ZHX2: variants seen among roughly 807,000 people sequenced by gnomAD.
ZHX2 encodes the protein zinc fingers and homeoboxes protein 2.
Under a neutral mutation model 21.9 loss-of-function variants are expected in ZHX2, and 6 were observed. That is an observed-to-expected ratio of 0.27 (90% CI 0.15 to 0.54). The LOEUF is 0.54. ZHX2 is among the 20% of genes least tolerant of loss of function. The probability of loss-of-function intolerance (pLI) is 0.95; values close to 1 mark genes in which losing one functional copy is unlikely to be tolerated. For missense variants in ZHX2, 908 were observed against 1,090.7 expected, an observed-to-expected ratio of 0.83 and a Z score of 2.36; for synonymous variants, 434 against 437.1, an observed-to-expected ratio of 0.99 and a Z score of 0.09.
intron 1 of ZHX2, among the ~76,000 whole-genome samples, chr8:122,840,151 A>G (rs940053559): frequency 3.9e-5 from 6 of 152,312 alleles, no homozygotes; most frequent in Admixed American, 2.6e-4. Context: ...TTCCTGCACT[A>G]GGAATAATTT....
At chr8:122,816,518 T>C (rs1332116266) in intron 1 of ZHX2, 1 of 150,676 alleles carries the variant, frequency 6.6e-6, no homozygotes, top group East Asian at 2.0e-4. Flanking sequence ...CAATCTTGGC[T>C]CACTGCAACC....
At chr8:122,830,502 G>A (rs1049481301) in intron 1 of ZHX2, among the ~76,000 whole-genome samples, 10 of 152,148 alleles carry the variant, frequency 6.6e-5, no homozygotes, top group Non-Finnish European at 1.5e-4. Context: ...TACTTCAGGC[G>A]GGACATAGGG....
rs188252399 is a variant in ZHX2, at chr8:122,798,030, A to G, written c.-283+16084A>G. Among the ~76,000 whole-genome samples, 408 of 152,262 alleles carry G rather than the reference A, an allele frequency of 2.7e-3. 3 individuals carry two copies. The highest frequency in any genetic ancestry group is 9.0e-3 in the African/African-American group (374 of 41,538). On this transcript the variant is annotated intron_variant, in intron 1 of 3. Coordinates refer to ENST00000314393, the MANE Select transcript of ZHX2 (RefSeq NM_014943.5). ...TCCTCAGAGAGTCCTGATTATCTGT[A>G]TGGAATAGAAAAGGAAACTGAGGCT... is the stretch of plus-strand genomic sequence containing the variant.
At chr8:122,788,935 CAA>C (rs1002671986) in intron 1 of ZHX2, among the ~76,000 whole-genome samples, 1 of 152,192 alleles carries the variant, frequency 6.6e-6, no homozygotes, top group African/African-American at 2.4e-5. Context: ...CACCCCTCCT[CAA>C]AAAGAGGCCA....
intron 2 of ZHX2, among the ~76,000 whole-genome samples, chr8:122,900,603 A>G (rs1414161422): frequency 6.6e-6 from 1 of 152,134 alleles, no homozygotes; most frequent in African/African-American, 2.4e-5. Context: ...GTGGGTTCTG[A>G]TATCTGAGGC....
chr8:122,957,731 A>G (rs540835290), intron 3 of ZHX2, among the ~76,000 whole-genome samples: 21 of 152,192 alleles, frequency 1.4e-4, no homozygotes, highest in African/African-American at 5.1e-4. Flanking sequence ...TCAGCCTCCC[A>G]AAGTGCTGGG....
chr8:122,930,742 G>A (rs1178656864), intron 2 of ZHX2, among the ~76,000 whole-genome samples: 11 of 151,554 alleles, frequency 7.3e-5, no homozygotes, highest in African/African-American at 2.2e-4. Context: ...TGACTGCCTC[G>A]GTCTCCCAAA....
rs115338949 is a variant in ZHX2, at chr8:122,935,015, C to T, written c.-219-16277C>T. On this transcript the variant is annotated intron_variant, in intron 2 of 3. Transcript: ENST00000314393. ...AAGTTCTTTTTATAAGCTGTCAAGA[C>T]AGTGCATCATTTTGACTACTTCAAA... 8.1e-3 allele frequency among the ~76,000 whole-genome samples: 1,234 copies of T among 152,286 alleles called. 14 individuals carry two copies. The highest frequency in any genetic ancestry group is 0.028 in the African/African-American group (1,167 of 41,552).
intron 1 of ZHX2, among the ~76,000 whole-genome samples, chr8:122,837,614 T>C (rs1447190151): frequency 6.6e-6 from 1 of 152,170 alleles, no homozygotes; most frequent in Non-Finnish European, 1.5e-5. Flanking sequence ...CCTAGTGCGT[T>C]TTACAGGTGG....
chr8:122,884,376 G>T (rs1214007498), intron 2 of ZHX2, among the ~76,000 whole-genome samples: 1 of 152,182 alleles, frequency 6.6e-6, no homozygotes, highest in East Asian at 1.9e-4. Context: ...TATTCAACTT[G>T]TTTTCTAATT....
intron 2 of ZHX2, among the ~76,000 whole-genome samples, chr8:122,926,690 C>G (rs907217615): frequency 6.6e-6 from 1 of 152,232 alleles, no homozygotes; most frequent in Non-Finnish European, 1.5e-5. Flanking sequence ...GCCACACTCA[C>G]TTGGAAGCTC....
At chr8:122,880,547 G>A (rs1452002488) in intron 2 of ZHX2, among the ~76,000 whole-genome samples, 1 of 152,052 alleles carries the variant, frequency 6.6e-6, no homozygotes, top group East Asian at 1.9e-4. Flanking sequence ...GGCCAAGACA[G>A]GTAGATCACC....
At chr8:122,839,343 C>T (rs542990454) in intron 1 of ZHX2, among the ~76,000 whole-genome samples, 1 of 152,288 alleles carries the variant, frequency 6.6e-6, no homozygotes, top group South Asian at 2.1e-4. Context: ...CCTTCTTCCA[C>T]TTGTTTATAT....
chr8:122,921,648 AAG>A (rs376224475), intron 2 of ZHX2, among the ~76,000 whole-genome samples: 49 of 148,988 alleles, frequency 3.3e-4, no homozygotes, highest in South Asian at 4.3e-4. Context: ...CCCATCAAGA[AAG>A]AGAGAGAGAG....
intron 1 of ZHX2, among the ~76,000 whole-genome samples, chr8:122,861,776 G>C (rs1237320160): frequency 1.3e-5 from 2 of 152,144 alleles, no homozygotes; most frequent in African/African-American, 4.8e-5. Flanking sequence ...CTAGTGACAT[G>C]CCCCTTAAAA....
intron 1 of ZHX2, among the ~76,000 whole-genome samples, chr8:122,826,968 G>A (rs1304853756): frequency 1.3e-5 from 2 of 152,168 alleles, no homozygotes; most frequent in Admixed American, 6.5e-5. Flanking sequence ...GCGGAGGTGA[G>A]AAAGCCTAGG....
In ZHX2 at chr8:122,815,790, A is replaced by G. The variant is rs1326462918; in HGVS notation, c.-283+33844A>G. 4 of 152,256 alleles carry G rather than the reference A, an allele frequency of 2.6e-5. 1 individual carries two copies. Among genetic ancestry groups the G allele is most frequent in the Admixed American group, 2.6e-4 (4 of 15,276 alleles). 9.4% of individuals were successfully genotyped at this position (152,256 alleles called of 1,614,324 possible). On this transcript the variant is annotated intron_variant, in intron 1 of 3. Transcript: ENST00000314393. ...ATGCAGCAAACTTTGTTGTTGTCTT[A>G]TTTTTAAAAATTGCCGGCCGGGCGT... is the stretch of plus-strand genomic sequence containing the variant.
intron 2 of ZHX2, among the ~76,000 whole-genome samples, chr8:122,889,030 A>G (rs1819913859): frequency 6.6e-6 from 1 of 152,200 alleles, no homozygotes; most frequent in Admixed American, 6.5e-5. Context: ...CACTTAACAT[A>G]ATGTTCCCAG....
chr8:122,926,421 T>C (rs1227365957), intron 2 of ZHX2, among the ~76,000 whole-genome samples: 6 of 152,192 alleles, frequency 3.9e-5, no homozygotes, highest in Non-Finnish European at 5.9e-5. Context: ...GTATAGGGAT[T>C]GTAATACTTT....
Sources: allele counts gnomAD v4.1 joint callset (sites outside exome capture counted in the v4.1 genomes callset), GRCh38; gene constraint gnomAD v4.1.1; transcripts MANE v1.5; gene names NCBI Gene and HGNC (gene_info 2026-07-23, HGNC 2026-07-21).